The following STAC variants were observed in gnomAD, a reference collection of about 807,000 sequenced individuals.
STAC encodes SH3 and cysteine-rich domain-containing protein.
Under a neutral mutation model 48.8 loss-of-function variants are expected in STAC, and 43 were observed. The observed-to-expected ratio is 0.88, with a 90% CI of 0.69 to 1.14. The LOEUF (loss-of-function observed/expected upper bound fraction) is 1.14. STAC is among the 50% of genes most tolerant of loss of function. STAC has a pLI of 0.00. For synonymous variants in STAC, 193 were observed against 179.5 expected (o/e 1.07, Z -0.60); for missense variants, 497 against 504.0 (o/e 0.99, Z 0.13).
chr3:36,523,165 G>A (rs1369441160), intron 8 of STAC, among the ~76,000 whole-genome samples: 1 of 152,196 alleles, frequency 6.6e-6, no homozygotes, highest in Non-Finnish European at 1.5e-5. Context: ...CTCCTCACTG[G>A]TAAGCCATAA....
intron 2 of STAC, among the ~76,000 whole-genome samples, chr3:36,481,630 C>T (rs1000608622): frequency 6.6e-6 from 1 of 152,168 alleles, no homozygotes; most frequent in Non-Finnish European, 1.5e-5. Context: ...CCTGTTGTCT[C>T]TCCAGGTTGT....
chr3:36,481,338 T>C (rs1020160782), intron 2 of STAC, among the ~76,000 whole-genome samples: 1 of 152,188 alleles, frequency 6.6e-6, no homozygotes, highest in African/African-American at 2.4e-5. Flanking sequence ...TGAAAGATGT[T>C]TAAGCAAGAA....
intron 2 of STAC, among the ~76,000 whole-genome samples, chr3:36,473,036 T>C (rs542278872): frequency 2.0e-5 from 3 of 152,342 alleles, no homozygotes; most frequent in East Asian, 3.9e-4. Flanking sequence ...ATTGGACTTA[T>C]AGTTCCACAT....
intron 1 of STAC, among the ~76,000 whole-genome samples, chr3:36,397,781 T>C (rs1254702851): frequency 6.6e-6 from 1 of 152,224 alleles, no homozygotes; most frequent in Non-Finnish European, 1.5e-5. Context: ...AAGGATTTTA[T>C]GAGCTTGTCT....
chr3:36,510,828 G>T (rs1397590527), intron 8 of STAC, among the ~76,000 whole-genome samples: 1 of 151,990 alleles, frequency 6.6e-6, no homozygotes, highest in Non-Finnish European at 1.5e-5. Flanking sequence ...GCTAAGGGAG[G>T]TATAGCATTA....
intron 10 of STAC, among the ~76,000 whole-genome samples, chr3:36,529,674 G>A (rs376798472): frequency 6.6e-6 from 1 of 152,254 alleles, no homozygotes; most frequent in African/African-American, 2.4e-5. Context: ...TGTTGATAGA[G>A]ACAAAGAAAC....
chr3:36,527,363 A>C (rs1401074840), intron 8 of STAC, among the ~76,000 whole-genome samples: 4 of 152,222 alleles, frequency 2.6e-5, no homozygotes, highest in Non-Finnish European at 5.9e-5. Context: ...TCAGAAAAGA[A>C]TAAGGAAATA....
At chr3:36,432,964 G>A (rs946430929) in intron 1 of STAC, among the ~76,000 whole-genome samples, 1 of 152,140 alleles carries the variant, frequency 6.6e-6, no homozygotes, top group Non-Finnish European at 1.5e-5. Flanking sequence ...TAACTACTTG[G>A]TAGTAAATTA....
At chr3:36,521,413 G>A (rs1642341257) in intron 8 of STAC, among the ~76,000 whole-genome samples, 1 of 152,086 alleles carries the variant, frequency 6.6e-6, no homozygotes, top group Non-Finnish European at 1.5e-5. Context: ...ACAACATTTA[G>A]TGAACATTGC....
At chr3:36,432,210 G>A (rs1322616388) in intron 1 of STAC, among the ~76,000 whole-genome samples, 1 of 152,122 alleles carries the variant, frequency 6.6e-6, no homozygotes, top group Non-Finnish European at 1.5e-5. Context: ...AAATCTGCAG[G>A]GAACCTATTA....
At chr3:36,426,458 T>A (rs1575190731) in intron 1 of STAC, among the ~76,000 whole-genome samples, 1 of 152,242 alleles carries the variant, frequency 6.6e-6, no homozygotes, top group Non-Finnish European at 1.5e-5. Context: ...AAATCTAACA[T>A]GTAGCTTTAG....
intron 1 of STAC, among the ~76,000 whole-genome samples, chr3:36,395,580 T>A (rs1312972220): frequency 6.6e-6 from 1 of 151,844 alleles, no homozygotes; most frequent in Admixed American, 6.6e-5. Flanking sequence ...GATTCTAAGA[T>A]CCGAGCCAGA....
chr3:36,454,749 A>G (rs1696802338), intron 2 of STAC, among the ~76,000 whole-genome samples: 1 of 152,172 alleles, frequency 6.6e-6, no homozygotes, highest in Non-Finnish European at 1.5e-5. Context: ...AAAAAAAAAT[A>G]CAGAACTTCC....
At chr3:36,421,661 G>T (rs114875378) in intron 1 of STAC, among the ~76,000 whole-genome samples, 1 of 151,788 alleles carries the variant, frequency 6.6e-6, no homozygotes, top group East Asian at 1.9e-4. Context: ...AGTCTTCTTC[G>T]GGATCCAATT....
chr3:36,460,151 T>C (rs73067808), intron 2 of STAC, among the ~76,000 whole-genome samples: 8,352 of 152,024 alleles, frequency 0.055, 336 homozygotes, highest in Non-Finnish European at 0.082. Context: ...TGTGTTCAGA[T>C]CTCATCTCTG....
chr3:36,511,136 G>T (rs748604863), intron 8 of STAC, among the ~76,000 whole-genome samples: 2 of 151,438 alleles, frequency 1.3e-5, no homozygotes, highest in African/African-American at 2.4e-5. Flanking sequence ...ACAGCTTGAG[G>T]TTCCTCGTGT....
At chr3:36,519,124 G>T (rs1698741557) in intron 8 of STAC, among the ~76,000 whole-genome samples, 1 of 152,156 alleles carries the variant, frequency 6.6e-6, no homozygotes, top group African/African-American at 2.4e-5. Context: ...GAATAATGGG[G>T]TTAAACTTCA....
chr3:36,432,649 G>A (rs1344681702), intron 1 of STAC, among the ~76,000 whole-genome samples: 2 of 151,638 alleles, frequency 1.3e-5, no homozygotes, highest in African/African-American at 4.9e-5. Context: ...GTTGCAGTGA[G>A]CCAAGATCGT....
Position 36,451,082 on chromosome 3 carries a change from CTTCT to C in STAC, c.388+7443_388+7446del, listed in dbSNP as rs539232460. Among the ~76,000 whole-genome samples the C allele has an allele frequency of 2.1e-3, 313 of 152,142 alleles. 1 individual carries two copies. Among genetic ancestry groups the C allele is most frequent in the African/African-American group, 7.0e-3 (289 of 41,544 alleles). On this transcript the variant is annotated intron_variant, in intron 2 of 10. Coordinates refer to ENST00000273183, the MANE Select transcript of STAC (RefSeq NM_003149.3). Reference sequence around the variant, plus strand: ...GCCATGAGTGAAATATTTGGCTTTCCTTCTGTCTTATGATTTACATGCTTTCTAG... The same window carrying C: ...GCCATGAGTGAAATATTTGGCTTTCCGTCTTATGATTTACATGCTTTCTAG...
Sources: allele counts gnomAD v4.1 joint callset (sites outside exome capture counted in the v4.1 genomes callset), GRCh38; gene constraint gnomAD v4.1.1; transcripts MANE v1.5; gene names NCBI Gene and HGNC (gene_info 2026-07-23, HGNC 2026-07-21).